Variants in R3HDML observed in about 807,000 individuals in gnomAD.
R3HDML encodes R3H domain containing like.
A neutral mutation model predicts 24.2 loss-of-function variants in R3HDML; 21 were observed. The ratio of observed to expected loss-of-function variants is 0.87; its 90% CI spans 0.62 to 1.25. The LOEUF is 1.25. R3HDML is among the 50% of genes most tolerant of loss of function. The probability of loss-of-function intolerance (pLI) is 0.00; values close to 1 mark genes in which losing one functional copy is unlikely to be tolerated. For missense variants in R3HDML, 301 were observed against 340.3 expected (o/e 0.88, Z 0.91); for synonymous variants, 133 against 131.5 (o/e 1.01, Z -0.08).
rs556039646 is a variant in R3HDML at position 44,345,160 on chromosome 20, G to A, written c.514-103G>A. On this transcript the variant is annotated intron_variant, in intron 3 of 4. Transcript: ENST00000217043. ...CCCAACACCTTGGAACAGGCAGACT[G>A]TCTCTCCCAGGAAGACCTCACCTAA... 66 of 859,630 alleles carry A rather than the reference G, an allele frequency of 7.7e-5. No homozygotes were observed. The South Asian group carries it at 8.3e-4, about 11-fold the overall frequency. 53.3% of individuals were successfully genotyped at this position (859,630 alleles called of 1,614,324 possible).
At chr20:44,347,731 G>C (rs1403118546) in intron 4 of R3HDML, 6 of 152,180 alleles carry the variant, frequency 3.9e-5, no homozygotes, top group Admixed American at 3.9e-4. Context: ...ACAAGTAGTA[G>C]AGCTGGTTCA....
chr20:44,339,158 T>C lies in R3HDML; in HGVS notation c.261+1740T>C, dbSNP rs554183167. Among the ~76,000 whole-genome samples the C allele has an allele frequency of 2.0e-5, 3 of 151,810 alleles. No individual in the cohort carries two copies. The South Asian group carries it at 6.3e-4, about 32-fold the overall frequency. On this transcript the variant is annotated intron_variant, in intron 1 of 4. Coordinates refer to ENST00000217043, the MANE Select transcript of R3HDML (RefSeq NM_178491.4). ...CCCATTTCTCCCTCCCTAGCTGACT[T>C]CTACTCACAGAACAGGCTGTCCAAC...
Position 44,345,321 on chromosome 20 carries a change from G to A in R3HDML, c.572G>A (p.Ser191Asn), listed in dbSNP as rs1053234590. The change falls in exon 4 of 5, where the codon AGT (serine) becomes AAT (asparagine). Residue 191 changes from serine to asparagine, a missense_variant. By Grantham distance (46) the Ser-to-Asn change is conservative. Transcript: ENST00000217043. Reference sequence around the variant, plus strand: ...GCCATCCACACCTGTAGTAGCATCAGTGTCTGGGGCAACACCTGGCATCGG... The same window carrying A: ...GCCATCCACACCTGTAGTAGCATCAATGTCTGGGGCAACACCTGGCATCGG... ...GCAIHTCSSI[S>N]VWGNTWHRAA... 3 of 1,614,186 alleles carry A rather than the reference G, an allele frequency of 1.9e-6. No individual in the cohort carries two copies. The highest frequency in any genetic ancestry group is 1.7e-5 in the Admixed American group (1 of 60,012).
In R3HDML at chr20:44,350,896, T is replaced by C; in HGVS notation, c.*104T>C. ...AATTGTTTCTTTAAAGGATATGAGTTAGAATCACCCCCTGTTGAATTTTCC... is the reference window on the plus strand; with the variant it reads ...AATTGTTTCTTTAAAGGATATGAGTCAGAATCACCCCCTGTTGAATTTTCC... On this transcript the variant is annotated 3_prime_UTR_variant, in exon 5 of 5. Coordinates refer to ENST00000217043, the MANE Select transcript of R3HDML (RefSeq NM_178491.4). 7.3e-7 allele frequency: 1 copy of C among 1,369,004 alleles called. No homozygotes were observed. Among genetic ancestry groups the C allele is most frequent in the Non-Finnish European group, 1.0e-6 (1 of 987,820 alleles). 84.8% of individuals were successfully genotyped at this position (1,369,004 alleles called of 1,614,324 possible).
At chr20:44,348,160 C>A (rs534928949) in intron 4 of R3HDML, among the ~76,000 whole-genome samples, 15 of 152,108 alleles carry the variant, frequency 9.9e-5, no homozygotes, top group African/African-American at 3.6e-4. Context: ...GCCAAGACTA[C>A]CAGGGTTCAA....
intron 2 of R3HDML, 140 bp from the exon 3 acceptor site, chr20:44,343,237 C>G: frequency 2.0e-6 from 2 of 1,006,586 alleles, no homozygotes; most frequent in South Asian, 3.0e-5. Flanking sequence ...GAGGCAGGGC[C>G]ACTGCCCTCA....
chr20:44,346,418 A>C (rs2062787262), intron 4 of R3HDML, among the ~76,000 whole-genome samples: 1 of 152,202 alleles, frequency 6.6e-6, no homozygotes, highest in Non-Finnish European at 1.5e-5. Context: ...CCAGCCCAAT[A>C]ATCCTTTTCC....
At chr20:44,342,906 A>G (rs1304731358) in intron 2 of R3HDML, among the ~76,000 whole-genome samples, 3 of 152,116 alleles carry the variant, frequency 2.0e-5, no homozygotes, top group African/African-American at 7.2e-5. Context: ...GTGAGCTGAG[A>G]TCACACTGCT....
chr20:44,349,933 G>T (rs2062803900), intron 4 of R3HDML, among the ~76,000 whole-genome samples: 1 of 152,142 alleles, frequency 6.6e-6, no homozygotes, highest in Non-Finnish European at 1.5e-5. Flanking sequence ...AGCCAGGTGT[G>T]GTGGCACATG....
At chr20:44,341,802 T>C (rs1350113080) in intron 2 of R3HDML, among the ~76,000 whole-genome samples, 1 of 152,126 alleles carries the variant, frequency 6.6e-6, no homozygotes, top group African/African-American at 2.4e-5. Flanking sequence ...GGAGAATCAC[T>C]TGAACCTGGG....
Position 44,341,287 on chromosome 20 carries a change from G to A in R3HDML, c.353G>A (p.Gly118Asp). ...CCTTCACAGCTGATGAGATACGTGG[G>A]CCAGAACCTCTCCATCCATTCTGGC... is the stretch of plus-strand genomic sequence containing the variant. Reference protein sequence around the residue: ...HGPSQLMRYVGQNLSIHSGQY... With the variant: ...HGPSQLMRYVDQNLSIHSGQY... The change falls in exon 2 of 5, where the codon GGC (glycine) becomes GAC (aspartate). Residue 118 changes from glycine (G) to aspartate (D), a missense_variant. Coordinates refer to ENST00000217043, the MANE Select transcript of R3HDML (RefSeq NM_178491.4). The A allele has an allele frequency of 1.9e-6, 3 of 1,614,006 alleles. No homozygotes were observed. The highest frequency in any genetic ancestry group is 2.5e-6 in the Non-Finnish European group (3 of 1,179,902).
rs1475895296 is a variant in R3HDML, at chr20:44,337,799, A to G, written c.261+381A>G. Among the ~76,000 whole-genome samples the G allele has an allele frequency of 1.3e-5, 2 of 151,972 alleles. No homozygotes were observed. The highest frequency in any genetic ancestry group is 2.4e-5 in the African/African-American group (1 of 41,358). On this transcript the variant is annotated intron_variant, in intron 1 of 4. Coordinates refer to ENST00000217043, the MANE Select transcript of R3HDML (RefSeq NM_178491.4). This position sits in a 1 kb window ranked among gnomAD's most constrained non-coding sequence, Gnocchi z 4.7. The stretch of plus-strand genomic sequence containing the variant: ...CCTGCTGCCACCTGGCACCATCACA[A>G]CTGTAACCATCACAATCCCCTACCC...
At chr20:44,338,410 C>CAAGATA in intron 1 of R3HDML, among the ~76,000 whole-genome samples, 1 of 152,168 alleles carries the variant, frequency 6.6e-6, no homozygotes, top group East Asian at 1.9e-4. Context: ...GCATGAACAA[C>CAAGATA]AAGATATTAA....
chr20:44,350,587 T>A (rs1391364479), intron 4 of R3HDML, 73 bp from the exon 5 acceptor site: 1 of 1,467,644 alleles, frequency 6.8e-7, no homozygotes, highest in Non-Finnish European at 9.2e-7. Flanking sequence ...GTGGCAGCGC[T>A]GAGATCTGGA....
chr20:44,342,088 A>AGTTTGT (rs2062773805), intron 2 of R3HDML, among the ~76,000 whole-genome samples: 1 of 152,128 alleles, frequency 6.6e-6, no homozygotes, highest in South Asian at 2.1e-4. Flanking sequence ...TGTTTGTAAA[A>AGTTTGT]CAAAGTTGTT....
intron 3 of R3HDML, among the ~76,000 whole-genome samples, chr20:44,343,780 C>A (rs1336817213): frequency 6.6e-6 from 1 of 150,976 alleles, no homozygotes; most frequent in Non-Finnish European, 1.5e-5. Flanking sequence ...ACTGTAACCT[C>A]TACCTCCCAG....
chr20:44,345,415 C>A, intron 4 of R3HDML, 37 bp downstream of exon 4: 1 of 1,467,330 alleles, frequency 6.8e-7, no homozygotes. Flanking sequence ...GGCCCTGGGG[C>A]CGGCGGGTGG....
intron 2 of R3HDML, 123 bp from the exon 3 acceptor site, chr20:44,343,254 C>G (rs1336326964): frequency 1.6e-6 from 2 of 1,253,322 alleles, no homozygotes; most frequent in African/African-American, 1.5e-5. Context: ...CTCATGCTCA[C>G]AGATAGGAAA....
rs369659349 is a variant in R3HDML at position 44,337,435 on chromosome 20, G to A, written c.261+17G>A. 7 of 1,603,100 alleles carry A rather than the reference G, an allele frequency of 4.4e-6. No homozygotes were observed. In the African/African-American group the frequency reaches 5.4e-5, roughly 12 times the overall value. On this transcript the variant is annotated intron_variant, in intron 1 of 4. Coordinates refer to ENST00000217043, the MANE Select transcript of R3HDML (RefSeq NM_178491.4). The surrounding 1 kb of genome is among the most constrained non-coding windows in gnomAD (Gnocchi z 4.7). ...GAATACATGGTGAGTCCCCGTACCTGCCCCCCACCCCCCGCAGTGTCCCTT... is the reference window on the plus strand; with the variant it reads ...GAATACATGGTGAGTCCCCGTACCTACCCCCCACCCCCCGCAGTGTCCCTT...
Sources: gnomAD v4.1 joint callset for allele counts (sites outside exome capture counted in the v4.1 genomes callset) on GRCh38, gnomAD v4.1.1 for gene constraint, Gnocchi (gnomAD v3.1) non-coding constraint, MANE v1.5 for transcripts, NCBI Gene and HGNC (gene_info 2026-07-23, HGNC 2026-07-21) for gene names.